TARBP2: variants seen among roughly 807,000 people sequenced by gnomAD.
TARBP2 encodes the protein RISC-loading complex subunit TARBP2.
TARBP2 carries 23 observed loss-of-function variants against 40.4 expected under a neutral mutation model. The observed-to-expected ratio is 0.57, with a 90% CI of 0.41 to 0.81. The LOEUF (loss-of-function observed/expected upper bound fraction) is 0.81. Among genes scored for constraint, TARBP2 ranks in the 30% least tolerant of loss-of-function variants. The probability of loss-of-function intolerance (pLI) is 0.00; values close to 1 mark genes in which losing one functional copy is unlikely to be tolerated. For synonymous variants in TARBP2, 183 were observed against 190.5 expected (o/e 0.96, Z 0.32); for missense variants, 358 against 473.7 (o/e 0.76, Z 2.27).
intron 6 of TARBP2, 145 bp from the exon 7 acceptor site, chr12:53,504,990 T>C: frequency 6.8e-7 from 1 of 1,464,602 alleles, no homozygotes; most frequent in South Asian, 1.3e-5. Flanking sequence ...TCTCTCTGGC[T>C]GACCAGGTTC....
In TARBP2 at chr12:53,505,686, G is replaced by A. The variant is rs776152218; in HGVS notation, c.779G>A (p.Gly260Asp). 6.2e-7 allele frequency: 1 copy of A among 1,614,134 alleles called. No homozygotes were observed. The change falls in exon 8 of 9, where the codon GGC (glycine) becomes GAC (aspartate). Residue 260 changes from glycine (G) to aspartate (D), a missense_variant. Gly to Asp is a moderately conservative substitution (Grantham distance 94, BLOSUM62 -1). This residue lies in a region of TARBP2 where 317 missense variants were observed against 422.9 expected (regional missense o/e 0.75). Coordinates refer to ENST00000266987, the MANE Select transcript of TARBP2 (RefSeq NM_134323.2). The surrounding 1 kb of genome is among the most constrained non-coding windows in gnomAD (Gnocchi z 4.5). ...GSRLDGLRNR[G>D]PGCTWDSLRN... Reference sequence around the variant, plus strand: ...CGCCTGGATGGTCTTCGAAACCGGGGCCCAGGTTGCACCTGGGATTCTCTA... The same window carrying A: ...CGCCTGGATGGTCTTCGAAACCGGGACCCAGGTTGCACCTGGGATTCTCTA...
Position 53,503,696 on chromosome 12 carries a change from C to T in TARBP2, c.327-17C>T. 1.3e-6 allele frequency: 2 copies of T among 1,599,120 alleles called. No homozygotes were observed. The highest frequency in any genetic ancestry group is 1.7e-6 in the Non-Finnish European group (2 of 1,166,308). ...TATACATGGGTGTGAATCAAAGGCC[C>T]CCTTCCCCTCGGGAAGTTCTTTTTC... On this transcript the variant is annotated splice_polypyrimidine_tract_variant and intron_variant, in intron 3 of 8. Coordinates refer to ENST00000266987, the MANE Select transcript of TARBP2 (RefSeq NM_134323.2).
Position 53,505,393 on chromosome 12 carries a change from C to A in TARBP2, c.741+131C>A. On this transcript the variant is annotated intron_variant, in intron 7 of 8. Transcript: ENST00000266987. This position sits in a 1 kb window ranked among gnomAD's most constrained non-coding sequence, Gnocchi z 4.5. ...GTCTGCTTCTGCCACAGTTTTCCTA[C>A]CAGACCCAGGGTTCCTGGGGCCGAC... 1 of 1,399,664 alleles carries A rather than the reference C, an allele frequency of 7.1e-7. No homozygotes were observed. Among genetic ancestry groups the A allele is most frequent in the Non-Finnish European group, 9.5e-7 (1 of 1,048,448 alleles). The allele number at this position is 1,399,664 out of a possible 1,614,324, so 86.7% of individuals were successfully genotyped here. A position where few individuals can be genotyped will look rare whatever the true frequency, so the allele number is the denominator to read the frequency against.
upstream of TARBP2, chr12:53,501,007 T>A (rs909244399): frequency 1.3e-5 from 3 of 225,488 alleles, no homozygotes; most frequent in Non-Finnish European, 1.8e-5. Flanking sequence ...CCCAAGTGAG[T>A]CCTTACCGCC....
At chr12:53,502,606 T>C (rs530140026) in intron 2 of TARBP2, 63 of 188,556 alleles carry the variant, frequency 3.3e-4, no homozygotes, top group African/African-American at 1.8e-3. Context: ...CCCGCCCATG[T>C]TGAATATGAG....
chr12:53,502,869 C>A, intron 2 of TARBP2, 158 bp from the exon 3 acceptor site: 1 of 666,484 alleles, frequency 1.5e-6, no homozygotes, highest in Non-Finnish European at 2.4e-6. Flanking sequence ...GCTCTTCCTT[C>A]CAGCAATTAG....
At chr12:53,502,907 G>A (rs1019693545) in intron 2 of TARBP2, 120 bp from the exon 3 acceptor site, 1 of 936,592 alleles carries the variant, frequency 1.1e-6, no homozygotes, top group Non-Finnish European at 1.5e-6. Context: ...TCAGCAGGGG[G>A]AGGTTGGTCA....
Position 53,501,420 on chromosome 12 carries a change from G to A in TARBP2, c.12G>A (p.Glu4=), listed in dbSNP as rs544720790. 12 of 1,567,032 alleles carry A rather than the reference G, an allele frequency of 7.7e-6. No individual in the cohort carries two copies. In the Admixed American group the frequency reaches 2.1e-4, roughly 27 times the overall value. The part of the protein sequence containing the change: MSE[E]EQGSGTTTGC... ...GGACGGAGGAGGGAATGAGTGAAGA[G>A]GAGCAAGGCTCCGGCACTACCACGG... The change falls in exon 1 of 9, where the codon GAG becomes GAA. Residue 4 remains glutamate (E), a synonymous_variant. Coordinates refer to ENST00000266987, the MANE Select transcript of TARBP2 (RefSeq NM_134323.2).
intron 5 of TARBP2, 78 bp downstream of exon 5, chr12:53,504,547 G>T (rs1448225909): frequency 6.9e-6 from 11 of 1,601,848 alleles, no homozygotes; most frequent in Non-Finnish European, 9.4e-6. Flanking sequence ...ATGTGTGTTT[G>T]GGGGTGGGGG....
intron 4 of TARBP2, chr12:53,504,068 GA>G (rs1943847415): frequency 3.4e-6 from 2 of 586,112 alleles, no homozygotes; most frequent in East Asian, 5.7e-5. Flanking sequence ...CTTCTGGGTT[GA>G]CCACATGTCA....
chr12:53,503,153 C>T (rs1420897047), intron 3 of TARBP2, 24 bp downstream of exon 3: 4 of 1,534,326 alleles, frequency 2.6e-6, no homozygotes, highest in East Asian at 2.5e-5. Context: ...CGAGGCATCC[C>T]AGAAGCCCTT....
At chr12:53,502,282 G>A in intron 2 of TARBP2, 98 bp downstream of exon 2, 1 of 1,433,818 alleles carries the variant, frequency 7.0e-7, no homozygotes, top group Non-Finnish European at 9.4e-7. Context: ...TTTCTCCAAG[G>A]CCAGTGAGGG....
At chr12:53,501,905 T>G (rs1592732767) in intron 1 of TARBP2, 110 bp from the exon 2 acceptor site, 2 of 1,485,894 alleles carry the variant, frequency 1.3e-6, no homozygotes. Context: ...CTGTCTGGGG[T>G]TCCTTGGACC....
In TARBP2 at chr12:53,505,403, G is replaced by A. The variant is rs1943927087; in HGVS notation, c.741+141G>A. Reference sequence around the variant, plus strand: ...GCCACAGTTTTCCTACCAGACCCAGGGTTCCTGGGGCCGACTCAGCCTTGA... The same window carrying A: ...GCCACAGTTTTCCTACCAGACCCAGAGTTCCTGGGGCCGACTCAGCCTTGA... On this transcript the variant is annotated intron_variant, in intron 7 of 8. Transcript: ENST00000266987. The surrounding 1 kb of genome is among the most constrained non-coding windows in gnomAD (Gnocchi z 4.5). 8.1e-6 allele frequency: 11 copies of A among 1,352,620 alleles called. No individual in the cohort carries two copies. The highest frequency in any genetic ancestry group is 1.1e-5 in the Non-Finnish European group (11 of 1,008,798). The allele number at this position is 1,352,620 out of a possible 1,614,324, so 83.8% of individuals were successfully genotyped here. A position where few individuals can be genotyped will look rare whatever the true frequency, so the allele number is the denominator to read the frequency against.
intron 3 of TARBP2, 83 bp from the exon 4 acceptor site, chr12:53,503,630 G>C (rs1943821468): frequency 1.0e-6 from 1 of 960,024 alleles, no homozygotes; most frequent in African/African-American, 1.6e-5. Flanking sequence ...AGGGGATTGG[G>C]AGGTCAGGAG....
At position 53,502,277 on chromosome 12, in the gene TARBP2, C is replaced by T. The variant is rs989052443; in HGVS notation, c.223+93C>T. The T allele has an allele frequency of 6.1e-6, 9 of 1,468,638 alleles. No individual in the cohort carries two copies. In the African/African-American group the frequency reaches 1.1e-4, roughly 18 times the overall value. 91.0% of individuals were successfully genotyped at this position (1,468,638 alleles called of 1,614,324 possible). A position where few individuals can be genotyped will look rare whatever the true frequency, so the allele number is the denominator to read the frequency against. On this transcript the variant is annotated intron_variant, in intron 2 of 8. Coordinates refer to ENST00000266987, the MANE Select transcript of TARBP2 (RefSeq NM_134323.2). ...GTCTCTCTCTTCACAGTCCTTTTCT[C>T]CAAGGCCAGTGAGGGAAGGAGAGAT... is the stretch of plus-strand genomic sequence containing the variant.
chr12:53,504,191 C>T (rs1261616084), intron 4 of TARBP2: 4 of 571,608 alleles, frequency 7.0e-6, no homozygotes, highest in African/African-American at 5.7e-5. Context: ...GGGCTGGGGC[C>T]TGGAGAAGGC....
Position 53,503,378 on chromosome 12 carries a change from G to A in TARBP2, c.326+249G>A, listed in dbSNP as rs552345660. The A allele has an allele frequency of 3.2e-4, 257 of 794,590 alleles. 2 individuals are homozygous for A. Among genetic ancestry groups the A allele is most frequent in the Non-Finnish European group, 2.2e-5 (12 of 535,896 alleles). The allele number at this position is 794,590 out of a possible 1,614,324, so 49.2% of individuals were successfully genotyped here. ...TTGGGGCCTGGGTTAGGGAGGGAGA[G>A]GGGTAGAGGCTTGAGGCTAAAGGGA... On this transcript the variant is annotated intron_variant, in intron 3 of 8. Transcript: ENST00000266987.
Position 53,502,045 on chromosome 12 carries a change from C to A in TARBP2, c.84C>A (p.Gly28=), listed in dbSNP as rs138314225. Residue 28 remains glycine, a synonymous_variant, in exon 2 of 9, where the codon GGC becomes GGA. Coordinates refer to ENST00000266987, the MANE Select transcript of TARBP2 (RefSeq NM_134323.2). The stretch of plus-strand genomic sequence containing the variant: ...AGCAAATGCTGGCCGCCAACCCAGG[C>A]AAGACCCCGATCAGCCTTCTGCAGG... ...SIEQMLAANP[G]KTPISLLQEY... is the part of the protein sequence containing the mutation. The A allele has an allele frequency of 3.3e-4, 537 of 1,614,062 alleles. 2 individuals are homozygous for A. The Middle Eastern group carries it at 5.4e-3, about 16-fold the overall frequency.
Sources: gnomAD v4.1 joint callset for allele counts on GRCh38, gnomAD v4.1.1 for gene constraint, gnomAD v4.1.1 regional missense constraint, Gnocchi (gnomAD v3.1) non-coding constraint, MANE v1.5 for transcripts, NCBI Gene and HGNC (gene_info 2026-07-23, HGNC 2026-07-21) for gene names.